The following MEGF11 variants were observed in gnomAD, a reference collection of about 807,000 sequenced individuals.
MEGF11 encodes the protein multiple epidermal growth factor-like domains protein 11.
MEGF11 carries 126 observed loss-of-function variants against 146.6 expected under a neutral mutation model. That is an observed-to-expected ratio of 0.86 (90% CI 0.74 to 1.00). MEGF11 has a LOEUF of 1.00. Among genes scored for constraint, MEGF11 ranks in the 50% least tolerant of loss-of-function variants. The pLI, the probability that MEGF11 is intolerant of heterozygous loss-of-function variation, is 0.00. For synonymous variants in MEGF11, 532 were observed against 583.4 expected (o/e 0.91, Z 1.27); for missense variants, 1,509 against 1,521.2 (o/e 0.99, Z 0.13).
At chr15:65,992,052 C>T (rs1303497149) in intron 5 of MEGF11, among the ~76,000 whole-genome samples, 1 of 152,206 alleles carries the variant, frequency 6.6e-6, no homozygotes, top group Non-Finnish European at 1.5e-5. Flanking sequence ...AGGCTAGAGA[C>T]AAGGAGGCCC....
chr15:66,051,251 G>A (rs2084434043), intron 5 of MEGF11, among the ~76,000 whole-genome samples: 1 of 152,184 alleles, frequency 6.6e-6, no homozygotes, highest in South Asian at 2.1e-4. Context: ...GAAGTACAGG[G>A]AGTCAAGACT....
At chr15:66,105,472 C>T (rs774649107) in intron 4 of MEGF11, among the ~76,000 whole-genome samples, 1 of 152,152 alleles carries the variant, frequency 6.6e-6, no homozygotes, top group Non-Finnish European at 1.5e-5. Flanking sequence ...CTAACAAAGG[C>T]CCCTCCACTT....
Position 65,961,535 on chromosome 15 carries a change from G to A in MEGF11, c.1112+3373C>T, listed in dbSNP as rs780203574. Among the ~76,000 whole-genome samples, 11 of 152,032 alleles carry A rather than the reference G, an allele frequency of 7.2e-5. 1 individual carries two copies. The highest frequency in any genetic ancestry group is 2.4e-4 in the African/African-American group (10 of 41,266). On this transcript the variant is annotated intron_variant, in intron 9 of 25. Transcript: ENST00000395614. ...GACATTTAAGATCCCTGACACACAG[G>A]TGCTTTCTCTCTCAAGGTTATTCCT...
At chr15:66,148,718 T>A (rs1028495903) in intron 1 of MEGF11, among the ~76,000 whole-genome samples, 1 of 152,172 alleles carries the variant, frequency 6.6e-6, no homozygotes, top group African/African-American at 2.4e-5. Context: ...GCCCAGCTGT[T>A]GACAAGCACA....
At chr15:65,949,690 G>T (rs924434329) in intron 10 of MEGF11, among the ~76,000 whole-genome samples, 6 of 152,342 alleles carry the variant, frequency 3.9e-5, no homozygotes, top group Non-Finnish European at 7.3e-5. Flanking sequence ...AGACACGCAG[G>T]ACCCATGCGG....
chr15:66,083,676 G>A (rs888414274), intron 5 of MEGF11, among the ~76,000 whole-genome samples: 4 of 152,180 alleles, frequency 2.6e-5, no homozygotes, highest in Admixed American at 1.3e-4. Flanking sequence ...ATGATCAATA[G>A]GCTGAGGTGG....
chr15:65,940,054 G>A (rs113778243), intron 10 of MEGF11, among the ~76,000 whole-genome samples: 1,652 of 152,232 alleles, frequency 0.011, 26 homozygotes, highest in African/African-American at 0.037. Context: ...CACAGGGAGT[G>A]GAATAGAGCT....
rs1596805557 is a variant in MEGF11, at chr15:65,897,982, T to C, written c.3375A>G (p.Pro1125=). The change falls in exon 26 of 26, where the codon CCA becomes CCG. Residue 1125 remains proline (P), a synonymous_variant. Coordinates refer to ENST00000395614, the MANE Select transcript of MEGF11 (RefSeq NM_001385028.1). ...GCCCATTGGCAGGGCTCTGTCTTAC[T>C]GGGAGGAGGTCATAATGACCAGGAA... ...SHIPGHYDLL[P]VRQSPANGPS... The C allele has an allele frequency of 6.2e-7, 1 of 1,614,044 alleles. No individual in the cohort carries two copies. Among genetic ancestry groups the C allele is most frequent in the Admixed American group, 1.7e-5 (1 of 60,036 alleles).
At chr15:66,007,323 T>G (rs1325123398) in intron 5 of MEGF11, among the ~76,000 whole-genome samples, 1 of 152,354 alleles carries the variant, frequency 6.6e-6, no homozygotes, top group South Asian at 2.1e-4. Flanking sequence ...TTATACCACA[T>G]AGCATATTCC....
At chr15:65,930,265 A>G (rs1425850084) in intron 11 of MEGF11, among the ~76,000 whole-genome samples, 1 of 151,544 alleles carries the variant, frequency 6.6e-6, no homozygotes, top group Non-Finnish European at 1.5e-5. Flanking sequence ...CTACCACACC[A>G]TTTCTCCCCT....
chr15:65,908,963 G>C, intron 23 of MEGF11, 71 bp downstream of exon 23: 1 of 961,616 alleles, frequency 1.0e-6, no homozygotes, highest in Non-Finnish European at 1.6e-6. Context: ...TCAAGGTGCA[G>C]GGATGGGGAT....
intron 1 of MEGF11, among the ~76,000 whole-genome samples, chr15:66,152,760 T>C (rs1436922650): frequency 6.6e-6 from 1 of 152,212 alleles, no homozygotes; most frequent in Non-Finnish European, 1.5e-5. Context: ...TGGATGCACA[T>C]GGCCGGATGG....
chr15:66,230,043 A>G (rs1231800096), intron 1 of MEGF11, among the ~76,000 whole-genome samples: 6 of 152,160 alleles, frequency 3.9e-5, no homozygotes, highest in Non-Finnish European at 8.8e-5. Context: ...GTCATTCACA[A>G]AGGTCCAGAA....
chr15:65,966,814 C>A (rs899845697), intron 8 of MEGF11, among the ~76,000 whole-genome samples: 2 of 151,956 alleles, frequency 1.3e-5, no homozygotes, highest in South Asian at 2.1e-4. Flanking sequence ...TGTGACCCCC[C>A]ACTGCTGACC....
chr15:66,179,377 C>T (rs912358207), intron 1 of MEGF11, among the ~76,000 whole-genome samples: 1 of 152,214 alleles, frequency 6.6e-6, no homozygotes, highest in South Asian at 2.1e-4. Context: ...AGGTGATCCA[C>T]CTGCCTCAGC....
chr15:65,964,391 TC>T (rs1269580370), intron 9 of MEGF11, among the ~76,000 whole-genome samples: 2 of 152,222 alleles, frequency 1.3e-5, no homozygotes, highest in Non-Finnish European at 2.9e-5. Flanking sequence ...GGGACAACCC[TC>T]CTTAGGCCCT....
At chr15:65,973,174 A>G (rs1185019222) in intron 7 of MEGF11, among the ~76,000 whole-genome samples, 2 of 152,106 alleles carry the variant, frequency 1.3e-5, no homozygotes, top group South Asian at 2.1e-4. Context: ...TCCAGGAACT[A>G]GGGACTGCAA....
chr15:65,909,874 G>T, intron 21 of MEGF11, 68 bp from the exon 22 acceptor site: 1 of 1,371,772 alleles, frequency 7.3e-7, no homozygotes, highest in Non-Finnish European at 1.0e-6. Context: ...TCTTCACTTT[G>T]CGTAGCTTCA....
At chr15:66,046,052 G>A (rs1173742661) in intron 5 of MEGF11, among the ~76,000 whole-genome samples, 1 of 151,766 alleles carries the variant, frequency 6.6e-6, no homozygotes, top group Non-Finnish European at 1.5e-5. Flanking sequence ...GCAGTGAGCC[G>A]AGATCCCACC....
Sources: gnomAD v4.1 joint callset for allele counts (sites outside exome capture counted in the v4.1 genomes callset) on GRCh38, gnomAD v4.1.1 for gene constraint, MANE v1.5 for transcripts, NCBI Gene and HGNC (gene_info 2026-07-23, HGNC 2026-07-21) for gene names.